The following KIF16B variants were observed in gnomAD, a reference collection of about 807,000 sequenced individuals.
KIF16B encodes kinesin-like protein KIF16B.
In KIF16B, 98 loss-of-function variants were observed where a neutral mutation model predicts 156.3. That is an observed-to-expected ratio of 0.63 (90% CI 0.53 to 0.74). KIF16B has a LOEUF of 0.74. KIF16B is among the 30% of genes least tolerant of loss of function. The pLI, the probability that KIF16B is intolerant of heterozygous loss-of-function variation, is 0.00. For missense variants in KIF16B, 1,421 were observed against 1,606.5 expected (o/e 0.88, Z 1.97); for synonymous variants, 564 against 583.7 (o/e 0.97, Z 0.49).
At chr20:16,346,200 C>A (rs2064231136) in intron 23 of KIF16B, among the ~76,000 whole-genome samples, 1 of 152,172 alleles carries the variant, frequency 6.6e-6, no homozygotes, top group Non-Finnish European at 1.5e-5. Flanking sequence ...AGAAGCTGGG[C>A]CTCTGCAGGA....
At chr20:16,328,121 A>G (rs555461019) in intron 24 of KIF16B, among the ~76,000 whole-genome samples, 1 of 152,322 alleles carries the variant, frequency 6.6e-6, no homozygotes, top group African/African-American at 2.4e-5. Context: ...CTGAAAGTCC[A>G]TCTACAAATT....
intron 12 of KIF16B, among the ~76,000 whole-genome samples, chr20:16,476,813 C>T (rs1055364046): frequency 1.3e-5 from 2 of 152,160 alleles, no homozygotes; most frequent in African/African-American, 4.8e-5. Context: ...GGCTGGAATG[C>T]AGTGGCTCAA....
chr20:16,328,496 T>G (rs1046012268), intron 24 of KIF16B, among the ~76,000 whole-genome samples: 3 of 152,184 alleles, frequency 2.0e-5, no homozygotes, highest in African/African-American at 7.2e-5. Context: ...CAAAATTCAT[T>G]CTCTTGCCTC....
chr20:16,522,702 A>G (rs1279979357), intron 3 of KIF16B, among the ~76,000 whole-genome samples: 1 of 152,174 alleles, frequency 6.6e-6, no homozygotes, highest in African/African-American at 2.4e-5. Flanking sequence ...TCCACCCCAA[A>G]TAACAGAACA....
Position 16,305,372 on chromosome 20 carries a change from C to A in KIF16B, c.3795+6963G>T, listed in dbSNP as rs73597759. On this transcript the variant is annotated intron_variant, in intron 25 of 25. Coordinates refer to ENST00000354981, the MANE Select transcript of KIF16B (RefSeq NM_024704.5). ...GATCAAATATAATCAAATATTTCCT[C>A]TTCTGGGCTAATATAGTGCTTTTTA... Among the ~76,000 whole-genome samples the A allele has an allele frequency of 4.1e-3, 625 of 152,244 alleles. 10 individuals are homozygous for A. The East Asian group carries it at 0.06, about 15-fold the overall frequency.
chr20:16,345,771 T>C (rs1196941069), intron 23 of KIF16B, among the ~76,000 whole-genome samples: 1 of 152,188 alleles, frequency 6.6e-6, no homozygotes, highest in East Asian at 1.9e-4. Context: ...CTCCTAGGCT[T>C]AGTAAGGTGG....
At chr20:16,338,225 C>T (rs1168957495) in intron 23 of KIF16B, among the ~76,000 whole-genome samples, 1 of 152,188 alleles carries the variant, frequency 6.6e-6, no homozygotes, top group African/African-American at 2.4e-5. Context: ...GGACTGTCTT[C>T]TCCCCCCACA....
At chr20:16,472,553 T>TAAAAAAAA (rs11318601) in intron 12 of KIF16B, among the ~76,000 whole-genome samples, 2 of 113,562 alleles carry the variant, frequency 1.8e-5, no homozygotes, top group Admixed American at 1.9e-4. Flanking sequence ...CATCTGAAAT[T>TAAAAAAAA]AAAAAAAAAA....
chr20:16,299,787 T>C (rs553593083), intron 25 of KIF16B, among the ~76,000 whole-genome samples: 1 of 152,274 alleles, frequency 6.6e-6, no homozygotes, highest in East Asian at 1.9e-4. Flanking sequence ...CTAAGGAGAA[T>C]TTAGTTTCAG....
chr20:16,389,891 A>G (rs1229323617), intron 17 of KIF16B, among the ~76,000 whole-genome samples: 1 of 152,190 alleles, frequency 6.6e-6, no homozygotes, highest in Non-Finnish European at 1.5e-5. Context: ...GTAAACTTTC[A>G]TTAGAAAGGT....
intron 24 of KIF16B, among the ~76,000 whole-genome samples, chr20:16,329,800 A>G (rs1013504554): frequency 1.3e-5 from 2 of 152,190 alleles, no homozygotes; most frequent in Non-Finnish European, 1.5e-5. Flanking sequence ...AACTGCTAAG[A>G]TTAAAGAAAA....
chr20:16,490,187 T>C (rs2068246123), intron 12 of KIF16B, among the ~76,000 whole-genome samples: 1 of 152,090 alleles, frequency 6.6e-6, no homozygotes, highest in Admixed American at 6.5e-5. Flanking sequence ...TTTCATTAAG[T>C]TAAAATTAAT....
At chr20:16,504,220 T>G in intron 10 of KIF16B, 152 bp downstream of exon 10, 1 of 710,650 alleles carries the variant, frequency 1.4e-6, no homozygotes, top group East Asian at 2.6e-5. Context: ...AAGAGGTTGA[T>G]GTAAACGAGG....
intron 23 of KIF16B, among the ~76,000 whole-genome samples, chr20:16,350,669 G>C (rs555013267): frequency 6.6e-6 from 1 of 152,054 alleles, no homozygotes; most frequent in South Asian, 2.1e-4. Context: ...GATGAGCAAG[G>C]GGCAGAATGG....
intron 22 of KIF16B, among the ~76,000 whole-genome samples, chr20:16,363,068 G>A (rs901164272): frequency 6.6e-6 from 1 of 152,222 alleles, no homozygotes; most frequent in African/African-American, 2.4e-5. Context: ...ACAGTGGAGA[G>A]ACGGAAGGGT....
At chr20:16,353,188 A>T (rs1369589138) in intron 23 of KIF16B, among the ~76,000 whole-genome samples, 1 of 152,206 alleles carries the variant, frequency 6.6e-6, no homozygotes, top group Non-Finnish European at 1.5e-5. Context: ...TTAAATAGCC[A>T]CTGGTTCACC....
Position 16,429,992 on chromosome 20 carries a change from A to C in KIF16B, c.1303-10T>G, listed in dbSNP as rs377298714. 414 of 1,594,834 alleles carry C rather than the reference A, an allele frequency of 2.6e-4. 3 individuals carry two copies. Among genetic ancestry groups the C allele is most frequent in the South Asian group, 1.1e-3 (96 of 86,128 alleles). ...GGGCTAGAGTTTGTTCCTGAAATTA[A>C]GAGGAAAAGAAAAAGAAAAGGTTAC... On this transcript the variant is annotated splice_polypyrimidine_tract_variant and intron_variant, in intron 12 of 25. Coordinates refer to ENST00000354981, the MANE Select transcript of KIF16B (RefSeq NM_024704.5).
At chr20:16,304,456 T>G (rs1417197778) in intron 25 of KIF16B, among the ~76,000 whole-genome samples, 1 of 152,300 alleles carries the variant, frequency 6.6e-6, no homozygotes, top group South Asian at 2.1e-4. Context: ...CCTTGAATAC[T>G]CCAACAGCCA....
At position 16,511,448 on chromosome 20, in the gene KIF16B, C is replaced by G. The variant is rs1487258918; in HGVS notation, c.526G>C (p.Glu176Gln). Reference sequence around the variant, plus strand: ...ACATAAGGGCCTTCTTTGGGATGCTCACGGACTCTCAAATTGAAGGTTTTA... The same window carrying G: ...ACATAAGGGCCTTCTTTGGGATGCTGACGGACTCTCAAATTGAAGGTTTTA... ...SSKTFNLRVR[E>Q]HPKEGPYVED... is the part of the protein sequence containing the mutation. Residue 176 changes from glutamate (E) to glutamine (Q), a missense_variant, in exon 6 of 26, where the codon GAG becomes CAG. Coordinates refer to ENST00000354981, the MANE Select transcript of KIF16B (RefSeq NM_024704.5). 1 of 1,610,536 alleles carries G rather than the reference C, an allele frequency of 6.2e-7. No homozygotes were observed. The highest frequency in any genetic ancestry group is 1.3e-5 in the African/African-American group (1 of 74,962).
Sources: gnomAD v4.1 joint callset for allele counts (sites outside exome capture counted in the v4.1 genomes callset) on GRCh38, gnomAD v4.1.1 for gene constraint, MANE v1.5 for transcripts, NCBI Gene and HGNC (gene_info 2026-07-23, HGNC 2026-07-21) for gene names.